SLC2A13: variants seen among roughly 807,000 people sequenced by gnomAD.
SLC2A13 encodes proton myo-inositol cotransporter.
Under a neutral mutation model 64.4 loss-of-function variants are expected in SLC2A13, and 32 were observed. That is an observed-to-expected ratio of 0.50 (90% CI 0.37 to 0.67). SLC2A13 has a LOEUF of 0.67. SLC2A13 is among the 30% of genes least tolerant of loss of function. SLC2A13 has a pLI of 0.00. For synonymous variants in SLC2A13, 338 were observed against 327.1 expected (o/e 1.03, Z -0.36); for missense variants, 743 against 829.2 (o/e 0.90, Z 1.28).
At chr12:39,856,166 TA>T (rs1226601909) in intron 6 of SLC2A13, among the ~76,000 whole-genome samples, 1 of 152,036 alleles carries the variant, frequency 6.6e-6, no homozygotes, top group South Asian at 2.1e-4. Context: ...AAAATTATAC[TA>T]AAAAAACTTC....
intron 1 of SLC2A13, among the ~76,000 whole-genome samples, chr12:40,085,005 A>G (rs1299605832): frequency 1.3e-5 from 2 of 152,196 alleles, no homozygotes; most frequent in African/African-American, 4.8e-5. Context: ...GGTTTAATCA[A>G]TTATGCCTAG....
In SLC2A13 at chr12:40,048,056, T is replaced by C. The variant is rs952060389; in HGVS notation, c.711A>G (p.Gly237=). ...DGAFSYLQKD[G]WRYMLGLAAV... is the part of the protein sequence containing the mutation. The stretch of plus-strand genomic sequence containing the variant: ...TGTAAAAAGTATTTACAAACCTCCA[T>C]CCATCCTTCTGGAGATAACTGAAGG... The change falls in exon 2 of 10, where the codon GGA becomes GGG. Residue 237 remains glycine, a synonymous_variant. Coordinates refer to ENST00000280871, the MANE Select transcript of SLC2A13 (RefSeq NM_052885.4). 6.3e-7 allele frequency: 1 copy of C among 1,595,248 alleles called. No homozygotes were observed.
intron 7 of SLC2A13, among the ~76,000 whole-genome samples, chr12:39,780,696 C>A (rs187892962): frequency 6.6e-6 from 1 of 152,262 alleles, no homozygotes; most frequent in East Asian, 1.9e-4. Context: ...GTGATGTCAA[C>A]ACTACAAATG....
At chr12:39,870,526 C>G (rs1385482143) in intron 5 of SLC2A13, among the ~76,000 whole-genome samples, 1 of 152,068 alleles carries the variant, frequency 6.6e-6, no homozygotes, top group Non-Finnish European at 1.5e-5. Flanking sequence ...AAATAAAATA[C>G]CTGGTAGGCT....
At chr12:39,820,718 TA>T (rs1942472851) in intron 7 of SLC2A13, among the ~76,000 whole-genome samples, 3 of 370 alleles carry the variant, frequency 8.1e-3, no homozygotes, top group Admixed American at 0.029. Context: ...TTTTTAAATT[TA>T]TATATATATA....
intron 3 of SLC2A13, among the ~76,000 whole-genome samples, chr12:40,013,939 A>G (rs1947575404): frequency 6.6e-6 from 1 of 152,246 alleles, no homozygotes; most frequent in East Asian, 1.9e-4. Flanking sequence ...CATAATTTCA[A>G]GAGAAATAAG....
intron 4 of SLC2A13, among the ~76,000 whole-genome samples, chr12:39,946,062 T>G (rs1946127537): frequency 6.6e-6 from 1 of 152,206 alleles, no homozygotes; most frequent in Non-Finnish European, 1.5e-5. Context: ...CTTGATGTAA[T>G]ACTCTCCCCC....
At chr12:39,968,459 A>T (rs1273752349) in intron 3 of SLC2A13, among the ~76,000 whole-genome samples, 1 of 151,986 alleles carries the variant, frequency 6.6e-6, no homozygotes, top group African/African-American at 2.4e-5. Context: ...CCTCCCTTCC[A>T]ACACAAAGAT....
At chr12:40,037,426 C>T (rs975412801) in intron 2 of SLC2A13, among the ~76,000 whole-genome samples, 2 of 151,806 alleles carry the variant, frequency 1.3e-5, no homozygotes, top group East Asian at 1.9e-4. Context: ...CAAAACCAGC[C>T]CAGGAAACAA....
intron 1 of SLC2A13, among the ~76,000 whole-genome samples, chr12:40,099,927 C>G (rs1817618036): frequency 6.6e-6 from 1 of 152,030 alleles, no homozygotes; most frequent in African/African-American, 2.4e-5. Flanking sequence ...AGCACCTCCC[C>G]CCAAAACTGT....
intron 4 of SLC2A13, among the ~76,000 whole-genome samples, chr12:39,879,061 G>A (rs1222356158): frequency 1.1e-4 from 16 of 152,276 alleles, no homozygotes; most frequent in Admixed American, 1.0e-3. Flanking sequence ...GCTCCAGAAG[G>A]TGCAAGGCAT....
intron 4 of SLC2A13, among the ~76,000 whole-genome samples, chr12:39,925,530 T>C (rs1446164609): frequency 6.6e-6 from 1 of 152,202 alleles, no homozygotes; most frequent in East Asian, 1.9e-4. Context: ...AATAATATAT[T>C]AACATCTTCC....
chr12:40,074,881 T>C (rs1310665687), intron 1 of SLC2A13, among the ~76,000 whole-genome samples: 1 of 152,188 alleles, frequency 6.6e-6, no homozygotes, highest in Non-Finnish European at 1.5e-5. Flanking sequence ...GACTGGGAAC[T>C]TCACAAGTGC....
chr12:39,928,480 C>G (rs1290905259), intron 4 of SLC2A13, among the ~76,000 whole-genome samples: 1 of 152,082 alleles, frequency 6.6e-6, no homozygotes, highest in Non-Finnish European at 1.5e-5. Context: ...GCTAGATGCT[C>G]TACTGCACAG....
chr12:40,082,918 C>T (rs1225393196), intron 1 of SLC2A13, among the ~76,000 whole-genome samples: 2 of 152,110 alleles, frequency 1.3e-5, no homozygotes, highest in Non-Finnish European at 2.9e-5. Context: ...GTTTCCTCCC[C>T]CACTTCAGCC....
intron 4 of SLC2A13, among the ~76,000 whole-genome samples, chr12:39,916,652 T>C (rs956328907): frequency 6.6e-6 from 1 of 152,124 alleles, no homozygotes. Flanking sequence ...ACCAGGCAGC[T>C]GAGTAGGCTT....
At chr12:39,764,680 CTA>C in intron 8 of SLC2A13, 55 bp downstream of exon 8, 1 of 1,590,280 alleles carries the variant, frequency 6.3e-7, no homozygotes, top group Non-Finnish European at 8.5e-7. Flanking sequence ...TATAGTTTAT[CTA>C]CTCCAAAAAG....
intron 2 of SLC2A13, among the ~76,000 whole-genome samples, chr12:40,031,229 T>A (rs1355154613): frequency 6.6e-6 from 1 of 152,046 alleles, no homozygotes; most frequent in Non-Finnish European, 1.5e-5. Context: ...TTTATTTATT[T>A]ATTTATTTTT....
intron 7 of SLC2A13, among the ~76,000 whole-genome samples, chr12:39,788,894 A>G (rs932105272): frequency 3.9e-5 from 6 of 152,192 alleles, no homozygotes; most frequent in Non-Finnish European, 7.4e-5. Context: ...CATAAAATAA[A>G]TATTTTGGTA....
Sources: allele counts gnomAD v4.1 joint callset (sites outside exome capture counted in the v4.1 genomes callset), GRCh38; gene constraint gnomAD v4.1.1; transcripts MANE v1.5; gene names NCBI Gene and HGNC (gene_info 2026-07-23, HGNC 2026-07-21).